Variants in CLSTN2 observed in about 807,000 individuals in gnomAD.
CLSTN2 encodes calsyntenin-2.
A neutral mutation model predicts 101.2 loss-of-function variants in CLSTN2; 48 were observed. That is an observed-to-expected ratio of 0.47 (90% CI 0.38 to 0.60). The LOEUF (loss-of-function observed/expected upper bound fraction) is 0.60. Among genes scored for constraint, CLSTN2 ranks in the 20% least tolerant of loss-of-function variants. The pLI is 0.00. For missense variants in CLSTN2, 1,160 were observed against 1,238.2 expected (o/e 0.94, Z 0.95); for synonymous variants, 481 against 463.6 (o/e 1.04, Z -0.48).
At chr3:140,132,089 T>C (rs1438743299) in intron 1 of CLSTN2, among the ~76,000 whole-genome samples, 1 of 152,188 alleles carries the variant, frequency 6.6e-6, no homozygotes, top group African/African-American at 2.4e-5. Context: ...AGGTTTCTGA[T>C]AGATAGCTCA....
chr3:140,552,772 T>C (rs1935727961), intron 10 of CLSTN2, among the ~76,000 whole-genome samples: 1 of 152,174 alleles, frequency 6.6e-6, no homozygotes, highest in East Asian at 1.9e-4. Flanking sequence ...GAAAAGTCAG[T>C]AGCCCCTGCC....
chr3:140,548,836 G>A (rs1935655202), intron 10 of CLSTN2, among the ~76,000 whole-genome samples: 1 of 152,160 alleles, frequency 6.6e-6, no homozygotes. Context: ...TCAGGCAAGG[G>A]AGCATGATCT....
intron 2 of CLSTN2, among the ~76,000 whole-genome samples, chr3:140,232,660 A>T (rs1057156342): frequency 6.6e-6 from 1 of 152,140 alleles, no homozygotes; most frequent in Non-Finnish European, 1.5e-5. Flanking sequence ...CAAAGTCAGC[A>T]TGTCTAAGAC....
At chr3:140,380,013 C>G (rs927762000) in intron 2 of CLSTN2, among the ~76,000 whole-genome samples, 1 of 152,006 alleles carries the variant, frequency 6.6e-6, no homozygotes, top group African/African-American at 2.4e-5. Context: ...CAAAACCCAC[C>G]AAGAGATACT....
chr3:140,141,328 T>C (rs1364528549), intron 1 of CLSTN2, among the ~76,000 whole-genome samples: 1 of 152,202 alleles, frequency 6.6e-6, no homozygotes, highest in Non-Finnish European at 1.5e-5. Context: ...CTGTTCTGCC[T>C]CTTGCTTTGA....
intron 2 of CLSTN2, among the ~76,000 whole-genome samples, chr3:140,298,793 G>A (rs1390904997): frequency 1.3e-5 from 2 of 152,194 alleles, no homozygotes; most frequent in Non-Finnish European, 2.9e-5. Flanking sequence ...AATGCATGGT[G>A]TAAAAAGAAA....
At chr3:140,538,906 T>C (rs1935412801) in intron 9 of CLSTN2, among the ~76,000 whole-genome samples, 1 of 152,212 alleles carries the variant, frequency 6.6e-6, no homozygotes, top group Non-Finnish European at 1.5e-5. Context: ...TCACAATGCA[T>C]GTTCACTTAT....
intron 1 of CLSTN2, among the ~76,000 whole-genome samples, chr3:140,042,675 C>A (rs1233128183): frequency 6.6e-6 from 1 of 152,132 alleles, no homozygotes; most frequent in African/African-American, 2.4e-5. Flanking sequence ...CCTCCCTCCT[C>A]CCGCTACACC....
In CLSTN2 at chr3:140,020,887, G is replaced by C. The variant is rs1431999658; in HGVS notation, c.109+85404G>C. Among the ~76,000 whole-genome samples, 5 of 152,208 alleles carry C rather than the reference G, an allele frequency of 3.3e-5. No individual in the cohort carries two copies. The East Asian group carries it at 7.7e-4, about 23-fold the overall frequency. ...TTTAATAGGCACAATTTACACAGAGGCTTGGCAGACTGCTTCGTCTTCTAA... is the reference window on the plus strand; with the variant it reads ...TTTAATAGGCACAATTTACACAGAGCCTTGGCAGACTGCTTCGTCTTCTAA... On this transcript the variant is annotated intron_variant, in intron 1 of 16. Transcript: ENST00000458420.
chr3:140,531,352 G>A (rs1935251512), intron 8 of CLSTN2, among the ~76,000 whole-genome samples: 1 of 152,218 alleles, frequency 6.6e-6, no homozygotes, highest in Non-Finnish European at 1.5e-5. Flanking sequence ...CAAACTGAAA[G>A]GAGAAAGATT....
At chr3:140,082,734 C>G (rs2008619667) in intron 1 of CLSTN2, among the ~76,000 whole-genome samples, 1 of 152,168 alleles carries the variant, frequency 6.6e-6, no homozygotes, top group Non-Finnish European at 1.5e-5. Context: ...TCTTTTAGCT[C>G]AATCCATGAA....
intron 5 of CLSTN2, among the ~76,000 whole-genome samples, chr3:140,435,643 A>G (rs1366663022): frequency 1.3e-5 from 2 of 152,210 alleles, no homozygotes; most frequent in Non-Finnish European, 2.9e-5. Context: ...AGGAATCTCA[A>G]AACCGTTCTC....
At chr3:140,469,248 A>G (rs1576585389) in intron 8 of CLSTN2, among the ~76,000 whole-genome samples, 1 of 152,330 alleles carries the variant, frequency 6.6e-6, no homozygotes, top group South Asian at 2.1e-4. Flanking sequence ...GCATTCCTCT[A>G]CTAAAGAAAT....
At chr3:139,972,178 C>T (rs1352093861) in intron 1 of CLSTN2, among the ~76,000 whole-genome samples, 2 of 151,920 alleles carry the variant, frequency 1.3e-5, no homozygotes, top group East Asian at 1.9e-4. Flanking sequence ...GCAGGAGAAT[C>T]GCTTGAACCT....
chr3:139,990,890 A>T (rs1466422098), intron 1 of CLSTN2, among the ~76,000 whole-genome samples: 1 of 152,232 alleles, frequency 6.6e-6, no homozygotes, highest in African/African-American at 2.4e-5. Flanking sequence ...CCATTTTTAT[A>T]TTAATTGTTA....
chr3:140,140,294 CT>C (rs2009677250), intron 1 of CLSTN2, among the ~76,000 whole-genome samples: 1 of 152,130 alleles, frequency 6.6e-6, no homozygotes, highest in South Asian at 2.1e-4. Flanking sequence ...GCTCACAGTT[CT>C]GCAAGCCGTA....
chr3:140,084,454 G>A (rs137953934), intron 1 of CLSTN2, among the ~76,000 whole-genome samples: 477 of 152,266 alleles, frequency 3.1e-3, no homozygotes, highest in Non-Finnish European at 5.5e-3. Context: ...CTAAGGTTAG[G>A]AATAAGTGTG....
chr3:140,211,816 G>A (rs989203703), intron 2 of CLSTN2, among the ~76,000 whole-genome samples: 5 of 151,892 alleles, frequency 3.3e-5, no homozygotes, highest in African/African-American at 1.2e-4. Flanking sequence ...GTAAAAGATG[G>A]GAAAAGAAAA....
At chr3:140,398,313 T>G (rs1336772870) in intron 2 of CLSTN2, among the ~76,000 whole-genome samples, 1 of 152,154 alleles carries the variant, frequency 6.6e-6, no homozygotes, top group Non-Finnish European at 1.5e-5. Context: ...TAATAAAAAT[T>G]GATAATATTT....
Sources: gnomAD v4.1 joint callset for allele counts (sites outside exome capture counted in the v4.1 genomes callset) on GRCh38, gnomAD v4.1.1 for gene constraint, MANE v1.5 for transcripts, NCBI Gene and HGNC (gene_info 2026-07-23, HGNC 2026-07-21) for gene names.